SYNE2: variants seen among roughly 807,000 people sequenced by gnomAD.
The protein encoded by SYNE2 is nesprin-2.
SYNE2 carries 431 observed loss-of-function variants against 856.3 expected under a neutral mutation model. The ratio of observed to expected loss-of-function variants is 0.50; its 90% CI spans 0.47 to 0.55. The LOEUF (loss-of-function observed/expected upper bound fraction) is 0.55, where lower values mean the gene tolerates loss of function less well. SYNE2 is among the 20% of genes least tolerant of loss of function. The pLI is 0.00. For synonymous variants in SYNE2, 2,923 were observed against 2,872.3 expected (o/e 1.02, Z -0.56); for missense variants, 8,129 against 8,023.2 (o/e 1.01, Z -0.50).
At chr14:64,113,235 C>T in intron 65 of SYNE2, 106 bp from the exon 66 acceptor site, 4 of 1,590,484 alleles carry the variant, frequency 2.5e-6, no homozygotes, top group Non-Finnish European at 3.4e-6. Context: ...TTCTTCTGTC[C>T]TGATTTTGTT....
chr14:64,137,774 T>G lies in SYNE2; in HGVS notation c.14647-13T>G. 1 of 1,613,966 alleles carries G rather than the reference T, an allele frequency of 6.2e-7. No homozygotes were observed. The highest frequency in any genetic ancestry group is 1.1e-5 in the South Asian group (1 of 91,082). ...TTCTAAATAATTCATTCTATGACTTTACTTTTTATTAGCAAATAAAAAGAA... is the reference window on the plus strand; with the variant it reads ...TTCTAAATAATTCATTCTATGACTTGACTTTTTATTAGCAAATAAAAAGAA... On this transcript the variant is annotated splice_polypyrimidine_tract_variant and intron_variant, in intron 78 of 115. Transcript: ENST00000555002.
At chr14:64,055,367 C>CTTTTT (rs35956880) in intron 48 of SYNE2, among the ~76,000 whole-genome samples, 3 of 131,918 alleles carry the variant, frequency 2.3e-5, no homozygotes, top group Non-Finnish European at 4.8e-5. Flanking sequence ...CTGAAAATAA[C>CTTTTT]TTTTTTTTTT....
In SYNE2 at chr14:64,044,436, T is replaced by C. The variant is rs1021124735; in HGVS notation, c.7222-3564T>C. Among the ~76,000 whole-genome samples the C allele has an allele frequency of 4.6e-5, 7 of 152,340 alleles. No homozygotes were observed. The South Asian group carries it at 6.2e-4, about 14-fold the overall frequency. On this transcript the variant is annotated intron_variant, in intron 45 of 115. Coordinates refer to ENST00000555002, the MANE Select transcript of SYNE2 (RefSeq NM_182914.3). The stretch of plus-strand genomic sequence containing the variant: ...GCAAAGGGACTTGCTTTGTCTCAGA[T>C]TACACTTTTGACTGTGGACTTTTGG...
intron 53 of SYNE2, among the ~76,000 whole-genome samples, chr14:64,074,454 A>G (rs140982549): frequency 7.2e-4 from 109 of 152,062 alleles, no homozygotes; most frequent in African/African-American, 2.6e-3. Context: ...ATGTTACATT[A>G]CTCCTTTAGT....
At chr14:63,815,361 A>G (rs964569772) in intron 1 of SYNE2, among the ~76,000 whole-genome samples, 3 of 151,630 alleles carry the variant, frequency 2.0e-5, no homozygotes, top group Non-Finnish European at 2.9e-5. Context: ...CCAAAGCTGA[A>G]GACCTTGAAG....
intron 113 of SYNE2, among the ~76,000 whole-genome samples, chr14:64,223,836 C>T (rs1567700626): frequency 6.6e-6 from 1 of 152,120 alleles, no homozygotes; most frequent in Non-Finnish European, 1.5e-5. Context: ...TTCTCCTAAG[C>T]AGCCAAAACT....
chr14:64,210,965 G>A (rs757730248), intron 103 of SYNE2, among the ~76,000 whole-genome samples: 27 of 150,516 alleles, frequency 1.8e-4, no homozygotes, highest in African/African-American at 6.4e-4. Context: ...CTGTCTCTCC[G>A]TCTTTCTTTC....
intron 96 of SYNE2, among the ~76,000 whole-genome samples, chr14:64,185,799 G>A (rs1482270405): frequency 6.6e-6 from 1 of 152,158 alleles, no homozygotes; most frequent in Non-Finnish European, 1.5e-5. Context: ...GGGATTACAG[G>A]TGTGAGCCAC....
Position 63,997,046 on chromosome 14 carries a change from G to A in SYNE2, c.3040G>A (p.Glu1014Lys). ...EELPSQKSQQ[E>K]VKRLLKDYEQ... is the part of the protein sequence containing the mutation. Reference sequence around the variant, plus strand: ...GCTGCCTTCACAGAAGAGTCAACAAGAAGTGAAGAGACTACTCAAAGATTA... The same window carrying A: ...GCTGCCTTCACAGAAGAGTCAACAAAAAGTGAAGAGACTACTCAAAGATTA... The change falls in exon 24 of 116, where the codon GAA (glutamate) becomes AAA (lysine). Residue 1014 changes from glutamate to lysine, a missense_variant. Around this residue, in one of 3 missense-constraint regions of SYNE2, gnomAD observed 2,422 missense variants for 2,357.4 expected, o/e 1.03. Coordinates refer to ENST00000555002, the MANE Select transcript of SYNE2 (RefSeq NM_182914.3). 6.2e-7 allele frequency: 1 copy of A among 1,614,068 alleles called. No homozygotes were observed. The highest frequency in any genetic ancestry group is 1.6e-4 in the Middle Eastern group (1 of 6,062).
chr14:63,814,956 A>C (rs369924254), intron 1 of SYNE2, among the ~76,000 whole-genome samples: 4 of 93,402 alleles, frequency 4.3e-5, no homozygotes, highest in African/African-American at 6.6e-5. Flanking sequence ...CTATCCATAT[A>C]TATCCATATA....
chr14:63,947,652 A>G (rs1200572026), intron 6 of SYNE2, among the ~76,000 whole-genome samples: 1 of 152,092 alleles, frequency 6.6e-6, no homozygotes, highest in Non-Finnish European at 1.5e-5. Context: ...CCTGACCAAC[A>G]TGGAGAAACC....
In SYNE2 at chr14:64,048,492, C is replaced by T. The variant is rs144773700; in HGVS notation, c.7377+337C>T. On this transcript the variant is annotated intron_variant, in intron 46 of 115. Coordinates refer to ENST00000555002, the MANE Select transcript of SYNE2 (RefSeq NM_182914.3). ...TGACAAATGTATTTTTCCTAACAAT[C>T]AGTTCTATGAGGTTCTTCCCCCTTT... 1,856 of 196,708 alleles carry T rather than the reference C, an allele frequency of 9.4e-3. 41 individuals carry two copies. Among genetic ancestry groups the T allele is most frequent in the African/African-American group, 0.04 (1,722 of 42,628 alleles). 12.2% of individuals were successfully genotyped at this position (196,708 alleles called of 1,614,324 possible).
At position 64,220,430 on chromosome 14, in the gene SYNE2, C is replaced by G. The variant is rs754210199; in HGVS notation, c.19861-7C>G. The stretch of plus-strand genomic sequence containing the variant: ...GCTCCTAACCTCATCTTTTCTCTCT[C>G]TGGTAGGAGATACTGAAAGCCTTTG... On this transcript the variant is annotated splice_region_variant and splice_polypyrimidine_tract_variant and intron_variant, in intron 110 of 115. Transcript: ENST00000555002. The G allele has an allele frequency of 1.9e-6, 3 of 1,613,992 alleles. No individual in the cohort carries two copies. Among genetic ancestry groups the G allele is most frequent in the South Asian group, 1.1e-5 (1 of 91,082 alleles).
intron 63 of SYNE2, chr14:64,099,185 T>C (rs578228027): frequency 9.0e-5 from 26 of 290,236 alleles, no homozygotes; most frequent in South Asian, 8.7e-4. Flanking sequence ...ACTCTTTTGC[T>C]CTAAAACAGT....
rs2096747412 is a variant in SYNE2 at position 64,000,708 on chromosome 14, T to C, written c.3627T>C (p.Thr1209=). Residue 1209 remains threonine, a synonymous_variant, in exon 28 of 116, where the codon ACT becomes ACC. Coordinates refer to ENST00000555002, the MANE Select transcript of SYNE2 (RefSeq NM_182914.3). ...AAAGAGAAAGAGAGCTTCAGATGAC[T>C]CTTAATACCAGGTAAAATTCTGAGA... ...LKERERELQM[T]LNTRMESLET... 6.2e-7 allele frequency: 1 copy of C among 1,612,060 alleles called. No individual in the cohort carries two copies.
chr14:63,993,963 A>G lies in SYNE2; in HGVS notation c.2775A>G (p.Lys925=), dbSNP rs887461071. Residue 925 remains lysine (K), a synonymous_variant, in exon 22 of 116, where the codon AAA becomes AAG. Transcript: ENST00000555002. ...AAAAGAGTAGAGATGTCTGTGCCAA[A>G]TGGGAGGTAAGAACATGCATATGTT... ...LEEKSRDVCA[K]WESLHHELSL... 12 of 1,613,862 alleles carry G rather than the reference A, an allele frequency of 7.4e-6. No individual in the cohort carries two copies. Among genetic ancestry groups the G allele is most frequent in the Non-Finnish European group, 1.0e-5 (12 of 1,179,828 alleles).
intron 65 of SYNE2, among the ~76,000 whole-genome samples, chr14:64,110,658 G>A (rs566940216): frequency 1.4e-5 from 2 of 143,248 alleles, no homozygotes; most frequent in East Asian, 2.2e-4. Flanking sequence ...TTAGAATTTG[G>A]GGCTATCATA....
chr14:64,219,519 A>G lies in SYNE2; in HGVS notation c.19860+109A>G, dbSNP rs2098684813. ...TTCGTGGCATAGGCGCAGCTTGCAG[A>G]TGGTGTATGTAGAGGTCACTCTCTT... On this transcript the variant is annotated intron_variant, in intron 110 of 115. Transcript: ENST00000555002. 2 of 1,059,288 alleles carry G rather than the reference A, an allele frequency of 1.9e-6. 1 individual carries two copies. Among genetic ancestry groups the G allele is most frequent in the Non-Finnish European group, 2.9e-6 (2 of 695,898 alleles). The allele number at this position is 1,059,288 out of a possible 1,614,324, so 65.6% of individuals were successfully genotyped here. A position where few individuals can be genotyped will look rare whatever the true frequency, so the allele number is the denominator to read the frequency against.
chr14:63,920,283 C>T (rs1050025748), intron 2 of SYNE2, among the ~76,000 whole-genome samples: 6 of 151,340 alleles, frequency 4.0e-5, no homozygotes, highest in African/African-American at 1.5e-4. Flanking sequence ...AGTGGGAGTA[C>T]CTAACCCAGA....
Sources: allele counts gnomAD v4.1 joint callset (sites outside exome capture counted in the v4.1 genomes callset), GRCh38; gene constraint gnomAD v4.1.1; regional missense constraint gnomAD v4.1.1; transcripts MANE v1.5; gene names NCBI Gene and HGNC (gene_info 2026-07-23, HGNC 2026-07-21).